The following CSMD1 variants were observed in gnomAD, a reference collection of about 807,000 sequenced individuals.
The protein encoded by CSMD1 is CUB and Sushi multiple domains 1.
In CSMD1, 213 loss-of-function variants were observed where a neutral mutation model predicts 417.5. That is an observed-to-expected ratio of 0.51 (90% confidence interval 0.46 to 0.57). The LOEUF is 0.57. Among genes scored for constraint, CSMD1 ranks in the 20% least tolerant of loss-of-function variants. The pLI is 0.00. For missense variants in CSMD1, 6,923 were observed against 4,529.7 expected (o/e 1.53, Z -15.17); for synonymous variants, 2,862 against 1,736.8 (o/e 1.65, Z -16.11).
chr8:4,570,608 T>C (rs1798843662), intron 2 of CSMD1, among the ~76,000 whole-genome samples: 1 of 152,170 alleles, frequency 6.6e-6, no homozygotes, highest in Admixed American at 6.5e-5. Context: ...AATTTTCTTT[T>C]TTTATTGTGT....
intron 5 of CSMD1, among the ~76,000 whole-genome samples, chr8:3,994,106 C>T (rs1456646523): frequency 6.6e-6 from 1 of 152,164 alleles, no homozygotes; most frequent in Non-Finnish European, 1.5e-5. Context: ...GGAGCTGAAG[C>T]TCAGTCATGG....
chr8:4,411,953 G>T (rs768399569), intron 3 of CSMD1, among the ~76,000 whole-genome samples: 1 of 151,312 alleles, frequency 6.6e-6, no homozygotes, highest in South Asian at 2.1e-4. Context: ...TAGAACTTAC[G>T]ATTTTTGATG....
chr8:3,174,499 C>A (rs902014125), intron 37 of CSMD1, among the ~76,000 whole-genome samples: 7 of 152,052 alleles, frequency 4.6e-5, no homozygotes, highest in Admixed American at 3.9e-4. Flanking sequence ...TCTCAAAAAA[C>A]AAACAATAAA....
chr8:3,826,218 T>G (rs571932442), intron 5 of CSMD1, among the ~76,000 whole-genome samples: 3 of 152,112 alleles, frequency 2.0e-5, no homozygotes, highest in African/African-American at 7.2e-5. Context: ...CTGGACACAG[T>G]TGCTAGAAAG....
At chr8:3,680,558 C>CA (rs1278175406) in intron 7 of CSMD1, among the ~76,000 whole-genome samples, 1 of 151,862 alleles carries the variant, frequency 6.6e-6, no homozygotes, top group African/African-American at 2.4e-5. Context: ...GCTTACCAAC[C>CA]AAAAAAAGTC....
At chr8:3,822,743 A>G (rs548286755) in intron 5 of CSMD1, among the ~76,000 whole-genome samples, 58 of 152,286 alleles carry the variant, frequency 3.8e-4, no homozygotes, top group African/African-American at 1.3e-3. Context: ...GTTTGGCACC[A>G]AAGTGGAAAT....
At chr8:4,521,364 G>A (rs1163743941) in intron 2 of CSMD1, among the ~76,000 whole-genome samples, 1 of 151,960 alleles carries the variant, frequency 6.6e-6, no homozygotes, top group Non-Finnish European at 1.5e-5. Flanking sequence ...TTTAAGCAGG[G>A]CTAAAATAGA....
chr8:3,031,517 A>C (rs1474190457), intron 50 of CSMD1, among the ~76,000 whole-genome samples: 1 of 152,050 alleles, frequency 6.6e-6, no homozygotes, highest in Non-Finnish European at 1.5e-5. Flanking sequence ...TACAAACTTT[A>C]TTTCTGCCAA....
chr8:4,803,490 T>A (rs909582795), intron 1 of CSMD1, among the ~76,000 whole-genome samples: 8 of 152,168 alleles, frequency 5.3e-5, no homozygotes, highest in African/African-American at 1.7e-4. Context: ...AGCCCTAGGT[T>A]GGAATCTGCC....
intron 2 of CSMD1, among the ~76,000 whole-genome samples, chr8:4,438,950 A>T (rs894973291): frequency 2.6e-5 from 4 of 152,244 alleles, no homozygotes; most frequent in African/African-American, 9.6e-5. Flanking sequence ...CCGTAAATGA[A>T]TTAATGTGAA....
At chr8:3,309,462 TAAACTC>T (rs544586463) in intron 23 of CSMD1, among the ~76,000 whole-genome samples, 28 of 152,310 alleles carry the variant, frequency 1.8e-4, no homozygotes, top group Admixed American at 9.8e-4. Context: ...AATAAGCTCT[TAAACTC>T]AAAGAAATAG....
rs188064404 is a variant in CSMD1 at position 4,710,207 on chromosome 8, G to A, written c.86-72649C>T. On this transcript the variant is annotated intron_variant, in intron 1 of 69. Coordinates refer to ENST00000635120, the MANE Select transcript of CSMD1 (RefSeq NM_033225.6). ...CCAACACAAGATAAAATATATATAC[G>A]TATCTTCAGTGTGCTCTTATTCAAG... Among the ~76,000 whole-genome samples the A allele has an allele frequency of 1.1e-3, 170 of 151,534 alleles. 1 individual carries two copies. The highest frequency in any genetic ancestry group is 1.1e-3 in the Non-Finnish European group (73 of 67,880).
intron 3 of CSMD1, among the ~76,000 whole-genome samples, chr8:4,145,253 A>T (rs13257224): frequency 0.31 from 46,788 of 150,838 alleles, 8,965 homozygotes; most frequent in Non-Finnish European, 0.4. Flanking sequence ...CTGGACAGGT[A>T]TAACTGGAAC....
intron 3 of CSMD1, among the ~76,000 whole-genome samples, chr8:4,356,337 C>T (rs192938331): frequency 4.6e-5 from 7 of 151,998 alleles, no homozygotes; most frequent in African/African-American, 1.7e-4. Flanking sequence ...AATACACACA[C>T]ACACACACAC....
chr8:4,097,442 TC>T (rs1156775785), intron 3 of CSMD1, among the ~76,000 whole-genome samples: 1 of 152,222 alleles, frequency 6.6e-6, no homozygotes, highest in Non-Finnish European at 1.5e-5. Context: ...AAATAAAGCA[TC>T]TTTCATTAAA....
chr8:4,977,156 T>C (rs1015476313), intron 1 of CSMD1, among the ~76,000 whole-genome samples: 10 of 152,230 alleles, frequency 6.6e-5, no homozygotes, highest in Non-Finnish European at 1.2e-4. Context: ...TGATCATTTG[T>C]TTTGAACTTT....
chr8:2,958,638 C>G (rs1803206363), intron 62 of CSMD1, among the ~76,000 whole-genome samples: 1 of 152,206 alleles, frequency 6.6e-6, no homozygotes, highest in Non-Finnish European at 1.5e-5. Context: ...CAGCATGACT[C>G]ATGTATACAG....
In CSMD1 at chr8:4,950,935, C is replaced by A. The variant is rs186094901; in HGVS notation, c.85+43397G>T. Among the ~76,000 whole-genome samples the A allele has an allele frequency of 4.0e-4, 61 of 151,678 alleles. No homozygotes were observed. In the East Asian group the frequency reaches 8.3e-3, roughly 21 times the overall value. ...AGTACCATTCTTGACAAATAACTGA[C>A]CAATTACAAAACTTGGAGACTTGTG... On this transcript the variant is annotated intron_variant, in intron 1 of 69. Transcript: ENST00000635120.
At chr8:3,745,458 C>G (rs561311341) in intron 6 of CSMD1, among the ~76,000 whole-genome samples, 1 of 152,204 alleles carries the variant, frequency 6.6e-6, no homozygotes, top group African/African-American at 2.4e-5. Context: ...GCCAACTTGA[C>G]GTAATCTGAG....
Sources: gnomAD v4.1 joint callset for allele counts (sites outside exome capture counted in the v4.1 genomes callset) on GRCh38, gnomAD v4.1.1 for gene constraint, MANE v1.5 for transcripts, NCBI Gene and HGNC (gene_info 2026-07-23, HGNC 2026-07-21) for gene names.